The following BCAN variants were observed in gnomAD, a reference collection of about 807,000 sequenced individuals.
BCAN encodes brevican.
BCAN carries 51 observed loss-of-function variants against 92.4 expected under a neutral mutation model. That is an observed-to-expected ratio of 0.55 (90% CI 0.44 to 0.70). The LOEUF is 0.70. Among genes scored for constraint, BCAN ranks in the 30% least tolerant of loss-of-function variants. The pLI is 0.00. For synonymous variants in BCAN, 501 were observed against 505.2 expected (o/e 0.99, Z 0.11); for missense variants, 1,140 against 1,212.1 (o/e 0.94, Z 0.88).
rs367672577 is a variant in BCAN at position 156,652,552 on chromosome 1, G to T, written c.1602G>T (p.Arg534Ser). Residue 534 changes from arginine to serine, a missense_variant, in exon 8 of 14, where the codon AGG becomes AGT. This residue lies in a region of BCAN where 825 missense variants were observed against 871.8 expected (regional missense o/e 0.95). Transcript: ENST00000329117. The stretch of plus-strand genomic sequence containing the variant: ...AGTCAGAAGCTTCCAGGCCTCCAAG[G>T]GTCCATGGACCACCTACTGAGACTC... The part of the protein sequence containing the change: ...DGESEASRPP[R>S]VHGPPTETLP... The T allele has an allele frequency of 2.9e-5, 46 of 1,613,820 alleles. No homozygotes were observed. In the African/African-American group the frequency reaches 4.7e-4, roughly 16 times the overall value.
At chr1:156,654,810 T>A (rs544599489) in intron 8 of BCAN, among the ~76,000 whole-genome samples, 2 of 152,290 alleles carry the variant, frequency 1.3e-5, no homozygotes, top group South Asian at 4.1e-4. Context: ...GAAATACCTC[T>A]TCCTCTGGGG....
Position 156,647,386 on chromosome 1 carries a change from T to A in BCAN, c.467-122T>A. On this transcript the variant is annotated intron_variant, in intron 3 of 13. Transcript: ENST00000329117. The surrounding 1 kb of genome is among the most constrained non-coding windows in gnomAD (Gnocchi z 4.8). ...CCCACAATCTAACTTAAGTCCCTCA[T>A]GCTGTAGAGTGAGCACAATTGAACT... 8.5e-7 allele frequency: 1 copy of A among 1,181,744 alleles called. No individual in the cohort carries two copies. Among genetic ancestry groups the A allele is most frequent in the Non-Finnish European group, 1.2e-6 (1 of 848,308 alleles). The allele number at this position is 1,181,744 out of a possible 1,614,324, so 73.2% of individuals were successfully genotyped here.
chr1:156,646,110 C>A lies in BCAN; in HGVS notation c.56C>A (p.Ala19Glu), dbSNP rs200638965. ...GCCCTGGTCCTGGCCCAGGCTCCTG[C>A]AGCTTTAGCAGATGTTCTGGAAGGA... is the stretch of plus-strand genomic sequence containing the variant. ...LAALVLAQAP[A>E]ALADVLEGDS... The change falls in exon 2 of 14, where the codon GCA (alanine) becomes GAA (glutamate). Residue 19 changes from alanine (A) to glutamate (E), a missense_variant. By Grantham distance (107) the Ala-to-Glu change is moderately radical. Transcript: ENST00000329117. 6.8e-6 allele frequency: 11 copies of A among 1,613,842 alleles called. No individual in the cohort carries two copies. The highest frequency in any genetic ancestry group is 1.3e-5 in the African/African-American group (1 of 75,046).
In BCAN at chr1:156,648,842, C is replaced by T. The variant is rs770150708; in HGVS notation, c.1044C>T (p.Phe348=). ...QTGFPNKHSR[F]NVYCFRDSAQ... The stretch of plus-strand genomic sequence containing the variant: ...GCTTCCCCAATAAGCACAGCCGCTT[C>T]AACGTCTACTGCTTCCGAGGTGAGC... The change falls in exon 6 of 14, where the codon TTC becomes TTT. Residue 348 remains phenylalanine (F), a synonymous_variant. Coordinates refer to ENST00000329117, the MANE Select transcript of BCAN (RefSeq NM_021948.5). 1.5e-5 allele frequency: 24 copies of T among 1,572,234 alleles called. No homozygotes were observed. Among genetic ancestry groups the T allele is most frequent in the Non-Finnish European group, 1.7e-5 (19 of 1,150,934 alleles).
At chr1:156,656,037 T>A (rs1263405985) in intron 8 of BCAN, among the ~76,000 whole-genome samples, 1 of 152,056 alleles carries the variant, frequency 6.6e-6, no homozygotes, top group Admixed American at 6.5e-5. Flanking sequence ...GGGCTCACAC[T>A]GGTGGCCATA....
rs370390155 is a variant in BCAN, at chr1:156,658,745, G to A, written c.2628+12G>A. On this transcript the variant is annotated intron_variant, in intron 13 of 13. Transcript: ENST00000329117. This position sits in a 1 kb window ranked among gnomAD's most constrained non-coding sequence, Gnocchi z 4.4. ...TGCCCAGAAGACCTGTGAGTGCCAG[G>A]AAGAGGCAGGTGGGAGTGGGAGACA... 1.2e-4 allele frequency: 187 copies of A among 1,613,652 alleles called. No homozygotes were observed. The highest frequency in any genetic ancestry group is 1.5e-4 in the Non-Finnish European group (175 of 1,179,948).
chr1:156,656,871 G>A, intron 9 of BCAN, 67 bp from the exon 10 acceptor site: 1 of 1,572,964 alleles, frequency 6.4e-7, no homozygotes, highest in African/African-American at 1.3e-5. Flanking sequence ...AAGGAGACCA[G>A]CCCCTTCCAG....
intron 11 of BCAN, 129 bp from the exon 12 acceptor site, chr1:156,657,998 C>T (rs1679394308): frequency 8.9e-7 from 1 of 1,120,874 alleles, no homozygotes; most frequent in Non-Finnish European, 1.3e-6. Context: ...CCCGGGAGAT[C>T]CCCTACCCCC....
Position 156,652,244 on chromosome 1 carries a change from C to A in BCAN, c.1298-4C>A. 1 of 1,580,050 alleles carries A rather than the reference C, an allele frequency of 6.3e-7. No individual in the cohort carries two copies. The highest frequency in any genetic ancestry group is 8.6e-7 in the Non-Finnish European group (1 of 1,164,352). On this transcript the variant is annotated splice_polypyrimidine_tract_variant and splice_region_variant and intron_variant, in intron 7 of 13. Transcript: ENST00000329117. ...TGGTGCTGAACCGTTTGTGCTTTGCCTAGAATTTGAAACACAATCCATGGT... is the reference window on the plus strand; with the variant it reads ...TGGTGCTGAACCGTTTGTGCTTTGCATAGAATTTGAAACACAATCCATGGT...
At chr1:156,655,924 T>C (rs1437120779) in intron 8 of BCAN, among the ~76,000 whole-genome samples, 1 of 152,160 alleles carries the variant, frequency 6.6e-6, no homozygotes, top group African/African-American at 2.4e-5. Flanking sequence ...AGAAGCCAGA[T>C]AAGAGTTTAG....
At position 156,648,827 on chromosome 1, in the gene BCAN, T is replaced by A; in HGVS notation, c.1029T>A (p.Asn343Lys). The stretch of plus-strand genomic sequence containing the variant: ...TCCCCAACCAGACTGGCTTCCCCAA[T>A]AAGCACAGCCGCTTCAACGTCTACT... The part of the protein sequence containing the change: ...FLFPNQTGFP[N>K]KHSRFNVYCF... Residue 343 changes from asparagine (N) to lysine (K), a missense_variant, in exon 6 of 14, where the codon AAT becomes AAA. Asn to Lys is a moderately conservative substitution (Grantham distance 94). Transcript: ENST00000329117. The A allele has an allele frequency of 6.3e-7, 1 of 1,583,874 alleles. No homozygotes were observed. The highest frequency in any genetic ancestry group is 1.3e-5 in the African/African-American group (1 of 74,546).
intron 6 of BCAN, among the ~76,000 whole-genome samples, chr1:156,651,062 A>G (rs1679145875): frequency 6.6e-6 from 1 of 152,208 alleles, no homozygotes. Flanking sequence ...CCTAGGGAAT[A>G]TCTCTCACCT....
At chr1:156,656,914 G>C (rs1328368567) in intron 9 of BCAN, 24 bp from the exon 10 acceptor site, 1 of 1,607,104 alleles carries the variant, frequency 6.2e-7, no homozygotes, top group Admixed American at 1.7e-5. Context: ...GGGGCCCTAA[G>C]ATGCCCGCCC....
intron 9 of BCAN, 74 bp from the exon 10 acceptor site, chr1:156,656,864 G>C (rs1679347754): frequency 3.8e-6 from 6 of 1,561,632 alleles, no homozygotes; most frequent in South Asian, 1.2e-5. Flanking sequence ...GTAGTGGAAG[G>C]AGACCAGCCC....
In BCAN at chr1:156,648,683, T is replaced by C. The variant is rs1377127816; in HGVS notation, c.885T>C (p.Asp295=). The C allele has an allele frequency of 1.9e-6, 3 of 1,613,628 alleles. No homozygotes were observed. The highest frequency in any genetic ancestry group is 2.5e-6 in the Non-Finnish European group (3 of 1,179,690). Residue 295 remains aspartate, a synonymous_variant, in exon 6 of 14, where the codon GAT becomes GAC. Transcript: ENST00000329117. ...ATTGQLYAAW[D]GGLDHCSPGW... The stretch of plus-strand genomic sequence containing the variant: ...CGGGCCAACTGTATGCAGCCTGGGA[T>C]GGTGGCCTGGACCACTGCAGCCCAG...
intron 8 of BCAN, 173 bp downstream of exon 8, chr1:156,653,065 A>C: frequency 2.0e-6 from 3 of 1,480,194 alleles, no homozygotes; most frequent in Admixed American, 2.4e-5. Context: ...TCGGATATCC[A>C]CCTTGTGGGT....
Position 156,647,340 on chromosome 1 carries a change from C to CT in BCAN, c.467-166dup. On this transcript the variant is annotated intron_variant, in intron 3 of 13. Coordinates refer to ENST00000329117, the MANE Select transcript of BCAN (RefSeq NM_021948.5). This position sits in a 1 kb window ranked among gnomAD's most constrained non-coding sequence, Gnocchi z 4.8. ...CGGGCCTTTGTTGTCTCCTTTCTCT[C>CT]TTCAGGTGGAGGACATTCTACCCAC... 1 of 1,123,062 alleles carries CT rather than the reference C, an allele frequency of 8.9e-7. No homozygotes were observed. Among genetic ancestry groups the CT allele is most frequent in the Non-Finnish European group, 1.2e-6 (1 of 806,002 alleles). 69.6% of individuals were successfully genotyped at this position (1,123,062 alleles called of 1,614,324 possible).
chr1:156,649,799 G>A (rs1410393509), intron 6 of BCAN: 1 of 501,390 alleles, frequency 2.0e-6, no homozygotes, highest in Non-Finnish European at 4.0e-6. Context: ...CAATAAGAGA[G>A]GCATTGCCAT....
rs1316043877 is a variant in BCAN at position 156,647,135 on chromosome 1, C to T, written c.426C>T (p.Gly142=). ...SGIYRCEVQH[G]IDDSSDAVEV... The stretch of plus-strand genomic sequence containing the variant: ...TCTATCGCTGTGAGGTCCAGCACGG[C>T]ATCGATGACAGCAGCGACGCTGTGG... The change falls in exon 3 of 14, where the codon GGC becomes GGT. Residue 142 remains glycine (G), a synonymous_variant. Coordinates refer to ENST00000329117, the MANE Select transcript of BCAN (RefSeq NM_021948.5). The surrounding 1 kb of genome is among the most constrained non-coding windows in gnomAD (Gnocchi z 4.8). 2.8e-6 allele frequency: 4 copies of T among 1,452,322 alleles called. No individual in the cohort carries two copies. The African/African-American group carries it at 5.8e-5, about 21-fold the overall frequency. The allele number at this position is 1,452,322 out of a possible 1,614,324, so 90.0% of individuals were successfully genotyped here.
Sources: gnomAD v4.1 joint callset for allele counts (sites outside exome capture counted in the v4.1 genomes callset) on GRCh38, gnomAD v4.1.1 for gene constraint, gnomAD v4.1.1 regional missense constraint, Gnocchi (gnomAD v3.1) non-coding constraint, MANE v1.5 for transcripts, NCBI Gene and HGNC (gene_info 2026-07-23, HGNC 2026-07-21) for gene names.